RUNX2: variants seen among roughly 807,000 people sequenced by gnomAD.
RUNX2 encodes runt-related transcription factor 2.
Under a neutral mutation model 51.7 loss-of-function variants are expected in RUNX2, and 10 were observed. The ratio of observed to expected loss-of-function variants is 0.19; its 90% CI spans 0.12 to 0.33. The LOEUF (loss-of-function observed/expected upper bound fraction) is 0.33. RUNX2 is among the 10% of genes least tolerant of loss of function. The pLI is 1.00. For synonymous variants in RUNX2, 276 were observed against 273.6 expected, an observed-to-expected ratio of 1.01 and a Z score of -0.09; for missense variants, 562 against 691.3, an observed-to-expected ratio of 0.81 and a Z score of 2.10.
chr6:45,508,026 G>A (rs945383358), intron 6 of RUNX2, among the ~76,000 whole-genome samples: 1 of 151,990 alleles, frequency 6.6e-6, no homozygotes, highest in Non-Finnish European at 1.5e-5. Context: ...TCTTAGATAC[G>A]TAATTTGTCC....
At chr6:45,395,616 C>T (rs61117797) in intron 2 of RUNX2, among the ~76,000 whole-genome samples, 1,781 of 152,288 alleles carry the variant, frequency 0.012, 45 homozygotes, top group African/African-American at 0.041. Context: ...CTTTACCTTA[C>T]ATTATAAACT....
chr6:45,491,645 T>TTTA (rs1800475137), intron 5 of RUNX2, among the ~76,000 whole-genome samples: 1 of 149,108 alleles, frequency 6.7e-6, no homozygotes, highest in Non-Finnish European at 1.5e-5. Flanking sequence ...TTTTTTTTTT[T>TTTA]ACTGAGAGGG....
At chr6:45,466,112 G>A (rs550161777) in intron 5 of RUNX2, among the ~76,000 whole-genome samples, 32 of 152,018 alleles carry the variant, frequency 2.1e-4, no homozygotes, top group African/African-American at 7.5e-4. Context: ...CGGGGAGTTC[G>A]AGACCAACCT....
intron 5 of RUNX2, among the ~76,000 whole-genome samples, chr6:45,479,411 T>C (rs1206757011): frequency 6.6e-6 from 1 of 152,132 alleles, no homozygotes; most frequent in Non-Finnish European, 1.5e-5. Flanking sequence ...TCAGAAGTGT[T>C]TGTGATGTCA....
At chr6:45,331,131 G>T (rs1200252704) in intron 2 of RUNX2, among the ~76,000 whole-genome samples, 3 of 142,136 alleles carry the variant, frequency 2.1e-5, no homozygotes, top group East Asian at 2.3e-4. Flanking sequence ...GTGTGTGCGC[G>T]CGCGCGCGCA....
At chr6:45,393,452 A>G (rs12211510) in intron 2 of RUNX2, among the ~76,000 whole-genome samples, 32,396 of 151,688 alleles carry the variant, frequency 0.21, 3,681 homozygotes, top group Non-Finnish European at 0.25. Context: ...TTTCCTGGAA[A>G]CGGAGTCTCG....
chr6:45,475,123 TAAAAA>T (rs35187443), intron 5 of RUNX2, among the ~76,000 whole-genome samples: 1 of 129,022 alleles, frequency 7.8e-6, no homozygotes. Flanking sequence ...GACTCCATCT[TAAAAA>T]AAAAAAAAAA....
At chr6:45,331,382 C>T (rs2150082132) in intron 2 of RUNX2, among the ~76,000 whole-genome samples, 1 of 152,034 alleles carries the variant, frequency 6.6e-6, no homozygotes, top group East Asian at 1.9e-4. Flanking sequence ...TGTGTGAACA[C>T]TGATTTCCAA....
chr6:45,489,376 G>A (rs958594294), intron 5 of RUNX2, among the ~76,000 whole-genome samples: 18 of 152,080 alleles, frequency 1.2e-4, no homozygotes, highest in Admixed American at 9.2e-4. Context: ...TCCTGAAAAC[G>A]CTGGGCTAAG....
intron 5 of RUNX2, among the ~76,000 whole-genome samples, chr6:45,471,497 T>C (rs1799800672): frequency 6.7e-6 from 1 of 149,980 alleles, no homozygotes; most frequent in Admixed American, 6.7e-5. Context: ...CAGGCTGGAG[T>C]GTGGTGGCGC....
intron 2 of RUNX2, among the ~76,000 whole-genome samples, chr6:45,416,439 C>T (rs1405392010): frequency 2.0e-5 from 3 of 152,142 alleles, no homozygotes; most frequent in Non-Finnish European, 4.4e-5. Flanking sequence ...TAGGATAGCA[C>T]CTTCCTTGGT....
intron 6 of RUNX2, among the ~76,000 whole-genome samples, chr6:45,499,654 C>T (rs1433636602): frequency 2.6e-5 from 4 of 152,116 alleles, no homozygotes; most frequent in Admixed American, 6.5e-5. Context: ...GGTGATGTTC[C>T]CAGAAAAATT....
intron 4 of RUNX2, among the ~76,000 whole-genome samples, chr6:45,436,939 T>C (rs1798701287): frequency 6.6e-6 from 1 of 152,158 alleles, no homozygotes; most frequent in Non-Finnish European, 1.5e-5. Context: ...TGGCCTGAGA[T>C]TGCTGAATGT....
chr6:45,522,953 C>T lies in RUNX2; in HGVS notation c.1021+10546C>T, dbSNP rs115176800. ...TATGGTCTCACTATGCAATATGTTA[C>T]GGAATATGCCAGCAACTCTGACAAA... On this transcript the variant is annotated intron_variant, in intron 7 of 8. Transcript: ENST00000647337. Among the ~76,000 whole-genome samples the T allele has an allele frequency of 9.0e-3, 1,363 of 152,236 alleles. 20 individuals are homozygous for T. Among genetic ancestry groups the T allele is most frequent in the African/African-American group, 0.03 (1,240 of 41,538 alleles).
chr6:45,504,665 T>C (rs898739668), intron 6 of RUNX2, among the ~76,000 whole-genome samples: 1 of 152,160 alleles, frequency 6.6e-6, no homozygotes, highest in African/African-American at 2.4e-5. Flanking sequence ...TGAATGTGTA[T>C]ATGTATAAGT....
At position 45,411,022 on chromosome 6, in the gene RUNX2, T is replaced by C. The variant is rs556398183; in HGVS notation, c.59-11571T>C. ...AAGAAGTGTAGTTTACATGTGGTCC[T>C]GTTGCTCTGTTCCTGGAAGGGAGTT... On this transcript the variant is annotated intron_variant, in intron 2 of 8. Transcript: ENST00000647337. 2.6e-5 allele frequency among the ~76,000 whole-genome samples: 4 copies of C among 152,306 alleles called. No homozygotes were observed. In the South Asian group the frequency reaches 8.3e-4, roughly 32 times the overall value.
intron 1 of RUNX2, 27 bp downstream of exon 1, chr6:45,328,487 G>A (rs753562538): frequency 6.6e-7 from 1 of 1,505,270 alleles, no homozygotes; most frequent in South Asian, 1.1e-5. Flanking sequence ...CACAGTCTAT[G>A]CAGTAATAGT....
Position 45,547,252 on chromosome 6 carries a change from A to G in RUNX2, c.1513A>G (p.Thr505Ala), listed in dbSNP as rs753025447. The G allele has an allele frequency of 4.3e-6, 7 of 1,614,018 alleles. No individual in the cohort carries two copies. Among genetic ancestry groups the G allele is most frequent in the South Asian group, 1.1e-5 (1 of 91,072 alleles). ...DADGSHSSSPTVLNSSGRMDE... is the reference protein window; with the variant it reads ...DADGSHSSSPAVLNSSGRMDE... Reference sequence around the variant, plus strand: ...TGATGGAAGCCACAGCAGTTCCCCAACTGTTTTGAATTCTAGTGGCAGAAT... The same window carrying G: ...TGATGGAAGCCACAGCAGTTCCCCAGCTGTTTTGAATTCTAGTGGCAGAAT... The change falls in exon 9 of 9, where the codon ACT becomes GCT. Residue 505 changes from threonine (T) to alanine (A), a missense_variant. Thr to Ala is a moderately conservative substitution (Grantham distance 58, BLOSUM62 0). Coordinates refer to ENST00000647337, the MANE Select transcript of RUNX2 (RefSeq NM_001024630.4).
At chr6:45,402,307 AT>A (rs1797729114) in intron 2 of RUNX2, among the ~76,000 whole-genome samples, 1 of 152,232 alleles carries the variant, frequency 6.6e-6, no homozygotes, top group Admixed American at 6.5e-5. Context: ...AGTTGCAAAA[AT>A]CATATACCAT....
Sources: allele counts gnomAD v4.1 joint callset (sites outside exome capture counted in the v4.1 genomes callset), GRCh38; gene constraint gnomAD v4.1.1; transcripts MANE v1.5; gene names NCBI Gene and HGNC (gene_info 2026-07-23, HGNC 2026-07-21).